The following SYTL2 variants were observed in gnomAD, a reference collection of about 807,000 sequenced individuals.
The protein encoded by SYTL2 is synaptotagmin like 2.
Under a neutral mutation model 198.7 loss-of-function variants are expected in SYTL2, and 165 were observed. The observed-to-expected ratio is 0.83, with a 90% CI of 0.73 to 0.94. The LOEUF (loss-of-function observed/expected upper bound fraction) is 0.94, where lower values mean the gene tolerates loss of function less well. Among genes scored for constraint, SYTL2 ranks in the 40% least tolerant of loss-of-function variants. The probability of loss-of-function intolerance (pLI) is 0.00; values close to 1 mark genes in which losing one functional copy is unlikely to be tolerated. For synonymous variants in SYTL2, 966 were observed against 917.7 expected, an observed-to-expected ratio of 1.05 and a Z score of -0.95; for missense variants, 2,835 against 2,582.8, an observed-to-expected ratio of 1.10 and a Z score of -2.12.
In SYTL2 at chr11:85,695,070, T is replaced by C; in HGVS notation, c.*125A>G. 4 of 913,270 alleles carry C rather than the reference T, an allele frequency of 4.4e-6. No homozygotes were observed. Among genetic ancestry groups the C allele is most frequent in the Non-Finnish European group, 6.4e-6 (4 of 624,056 alleles). The allele number at this position is 913,270 out of a possible 1,614,324, so 56.6% of individuals were successfully genotyped here. On this transcript the variant is annotated 3_prime_UTR_variant, in exon 20 of 20. Transcript: ENST00000359152. ...AAGCACATGCAGATTGACTTTTACA[T>C]GCTGTGTAGTATTCCTTAGGTGCAA... is the stretch of plus-strand genomic sequence containing the variant.
At chr11:85,695,703 CTTGGCTCTGCCACT>C (rs1300507169) in intron 19 of SYTL2, among the ~76,000 whole-genome samples, 5 of 152,188 alleles carry the variant, frequency 3.3e-5, no homozygotes, top group African/African-American at 1.2e-4. Context: ...AATTTTGAAT[CTTGGCTCTGCCACT>C]TTGTAGCTAT....
intron 3 of SYTL2, among the ~76,000 whole-genome samples, chr11:85,746,646 A>G (rs954308562): frequency 2.6e-5 from 4 of 152,194 alleles, no homozygotes; most frequent in East Asian, 1.9e-4. Flanking sequence ...CCCATATTCC[A>G]GGAGAGTATC....
At chr11:85,815,647 C>T (rs1445498), upstream of SYTL2, among the ~76,000 whole-genome samples, 19,504 of 152,114 alleles carry the variant, frequency 0.13, 1,615 homozygotes, top group Non-Finnish European at 0.16. Flanking sequence ...CTGCATTTTA[C>T]AGATGAAGAT....
At chr11:85,852,239 G>T in the SYTL2 span, among the ~76,000 whole-genome samples, 1 of 152,176 alleles carries the variant, frequency 6.6e-6, no homozygotes, top group Non-Finnish European at 1.5e-5. Context: ...AAGGGAGCAG[G>T]GAAGCCTAAA....
At chr11:85,704,823 C>A in intron 16 of SYTL2, 35 bp downstream of exon 16, 2 of 1,596,038 alleles carry the variant, frequency 1.3e-6, no homozygotes, top group Non-Finnish European at 8.6e-7. Context: ...CCACATCAAC[C>A]AACCAAATAA....
the SYTL2 span, among the ~76,000 whole-genome samples, chr11:85,817,845 G>A: frequency 6.6e-6 from 1 of 151,328 alleles, no homozygotes; most frequent in Non-Finnish European, 1.5e-5. Context: ...CATTGCTACT[G>A]ACTGGGGTTT....
chr11:85,850,496 G>C, the SYTL2 span, among the ~76,000 whole-genome samples: 2 of 150,836 alleles, frequency 1.3e-5, no homozygotes, highest in Middle Eastern at 3.2e-3. Flanking sequence ...ACACCAGTTA[G>C]AATGGCCATC....
rs752868186 is a variant in SYTL2 at position 85,709,340 on chromosome 11, C to T, written c.5906G>A (p.Arg1969His). Reference protein sequence around the residue: ...DLAAADVKKQRSDPYVKAYLL... With the variant: ...DLAAADVKKQHSDPYVKAYLL... ...TCTAAAATGTACTTACGGGTCTGAA[C>T]GCTGTTTTTTTACATCCGCTGCTGC... Residue 1969 changes from arginine to histidine, a missense_variant, in exon 14 of 20, where the codon CGT (arginine) becomes CAT (histidine). Coordinates refer to ENST00000359152, the MANE Select transcript of SYTL2 (RefSeq NM_206927.4). 34 of 1,613,902 alleles carry T rather than the reference C, an allele frequency of 2.1e-5. No homozygotes were observed. Among genetic ancestry groups the T allele is most frequent in the Admixed American group, 2.0e-4 (12 of 59,992 alleles).
At chr11:85,817,747 C>T in the SYTL2 span, among the ~76,000 whole-genome samples, 1 of 152,068 alleles carries the variant, frequency 6.6e-6, no homozygotes, top group Non-Finnish European at 1.5e-5. Context: ...TTATTGTATA[C>T]AGGATAAGAG....
intron 18 of SYTL2, among the ~76,000 whole-genome samples, chr11:85,697,676 T>C (rs897273966): frequency 3.9e-5 from 6 of 152,196 alleles, no homozygotes; most frequent in Non-Finnish European, 8.8e-5. Context: ...ATCTTACCAT[T>C]AGAAATTTAA....
Position 85,698,182 on chromosome 11 carries a change from T to A in SYTL2, c.6269-104A>T, listed in dbSNP as rs1288006206. The A allele has an allele frequency of 5.6e-6, 4 of 713,846 alleles. No individual in the cohort carries two copies. The African/African-American group carries it at 7.1e-5, about 13-fold the overall frequency. 44.2% of individuals were successfully genotyped at this position (713,846 alleles called of 1,614,324 possible). A position where few individuals can be genotyped will look rare whatever the true frequency, so the allele number is the denominator to read the frequency against. The stretch of plus-strand genomic sequence containing the variant: ...AATGTTCTGGCATGGAGATACTAGC[T>A]AGTATTTGATGATATCATCTGAACT... On this transcript the variant is annotated intron_variant, in intron 17 of 19. Coordinates refer to ENST00000359152, the MANE Select transcript of SYTL2 (RefSeq NM_206927.4).
At chr11:85,706,864 CAG>C (rs2085251095) in intron 15 of SYTL2, among the ~76,000 whole-genome samples, 2 of 67,720 alleles carry the variant, frequency 3.0e-5, no homozygotes, top group South Asian at 3.6e-4. Flanking sequence ...TTTTTTGAGA[CAG>C]AGTTTCACTC....
At chr11:85,778,112 C>A (rs1261452108) in intron 1 of SYTL2, among the ~76,000 whole-genome samples, 1 of 152,140 alleles carries the variant, frequency 6.6e-6, no homozygotes, top group Non-Finnish European at 1.5e-5. Context: ...AACCATCATG[C>A]CCGGCCGGTC....
At position 85,711,224 on chromosome 11, in the gene SYTL2, G is replaced by A; in HGVS notation, c.5634C>T (p.Asp1878=). 6.2e-7 allele frequency: 1 copy of A among 1,613,834 alleles called. No homozygotes were observed. Among genetic ancestry groups the A allele is most frequent in the Non-Finnish European group, 8.5e-7 (1 of 1,179,818 alleles). Reference sequence around the variant, plus strand: ...TTTCTGATGCTGTATCTGTTTCTCTGTCATCACTCTACAAAACAGCATATA... The same window carrying A: ...TTTCTGATGCTGTATCTGTTTCTCTATCATCACTCTACAAAACAGCATATA... The part of the protein sequence containing the change: ...VPAFLQDESD[D]RETDTASESS... The change falls in exon 13 of 20, where the codon GAC becomes GAT. Residue 1878 remains aspartate, a synonymous_variant. Transcript: ENST00000359152.
chr11:85,797,636 A>T (rs1013401999), intron 1 of SYTL2, among the ~76,000 whole-genome samples: 27 of 152,044 alleles, frequency 1.8e-4, no homozygotes, highest in African/African-American at 6.3e-4. Flanking sequence ...CAAAAAAAAA[A>T]AAAAGAAAAG....
At chr11:85,774,029 A>AT (rs11422007) in intron 1 of SYTL2, among the ~76,000 whole-genome samples, 152,274 of 152,274 alleles carry the variant, frequency 1, 76,137 homozygotes, top group Non-Finnish European at 1. Context: ...CTTTCTGAAA[A>AT]TCTCAAGCCC....
the SYTL2 span, among the ~76,000 whole-genome samples, chr11:85,820,109 C>T: frequency 6.6e-6 from 1 of 152,190 alleles, no homozygotes; most frequent in Admixed American, 6.5e-5. Flanking sequence ...TTTAGCATTT[C>T]CTTCCATTAT....
At position 85,757,733 on chromosome 11, in the gene SYTL2, A is replaced by G. The variant is rs765097838; in HGVS notation, c.-8T>C. On this transcript the variant is annotated 5_prime_UTR_variant, in exon 2 of 20. Transcript: ENST00000359152. ...GAAGCTTAAGTCAATCATTTTGAAA[A>G]GTGCATGCAAAAATAATAGCAACAA... The G allele has an allele frequency of 2.3e-5, 37 of 1,611,014 alleles. No individual in the cohort carries two copies. Among genetic ancestry groups the G allele is most frequent in the Non-Finnish European group, 2.6e-5 (31 of 1,179,864 alleles).
intron 11 of SYTL2, 141 bp downstream of exon 11, chr11:85,717,342 T>C (rs578141809): frequency 5.1e-5 from 34 of 663,990 alleles, no homozygotes; most frequent in Non-Finnish European, 8.1e-5. Flanking sequence ...AAAACCCTTA[T>C]CGTAATGAAA....
Sources: allele counts gnomAD v4.1 joint callset (sites outside exome capture counted in the v4.1 genomes callset), GRCh38; gene constraint gnomAD v4.1.1; transcripts MANE v1.5; gene names NCBI Gene and HGNC (gene_info 2026-07-23, HGNC 2026-07-21).